EIF4E: variants seen among roughly 807,000 people sequenced by gnomAD.
The protein encoded by EIF4E is eukaryotic translation initiation factor 4E, also known as eIF-4F 25 kDa subunit.
For missense variants in EIF4E, 113 were observed against 265.6 expected (o/e 0.43, Z 3.99); for synonymous variants, 71 against 88.5 (o/e 0.80, Z 1.11).
chr4:98,912,254 A>G (rs960451830), intron 1 of EIF4E, among the ~76,000 whole-genome samples: 57 of 145,844 alleles, frequency 3.9e-4, no homozygotes, highest in African/African-American at 1.2e-3. Flanking sequence ...CTCCGTCTCG[A>G]AAAAAAAAAA....
At chr4:98,888,102 C>G in intron 3 of EIF4E, 150 bp from the exon 4 acceptor site, 1 of 695,276 alleles carries the variant, frequency 1.4e-6, no homozygotes, top group Non-Finnish European at 2.4e-6. Flanking sequence ...CTAAAATGGA[C>G]AAAACAGATC....
chr4:98,889,231 G>A (rs187684571), intron 3 of EIF4E, among the ~76,000 whole-genome samples: 34 of 151,862 alleles, frequency 2.2e-4, no homozygotes, highest in Non-Finnish European at 4.3e-4. Context: ...CACAAATATA[G>A]TTTAGGTGAG....
chr4:98,898,124 A>G (rs182072639), intron 2 of EIF4E, among the ~76,000 whole-genome samples: 2,049 of 149,634 alleles, frequency 0.014, 14 homozygotes, highest in Non-Finnish European at 0.021. Context: ...AAGGGGGGGG[A>G]AAAAAGAAAC....
At chr4:98,916,555 T>C (rs1347940750) in intron 1 of EIF4E, among the ~76,000 whole-genome samples, 1 of 152,068 alleles carries the variant, frequency 6.6e-6, no homozygotes, top group African/African-American at 2.4e-5. Flanking sequence ...AGACTTATAC[T>C]AAGGTATATT....
At position 98,879,819 on chromosome 4, in the gene EIF4E, G is replaced by A. The variant is rs1422028986; in HGVS notation, c.*1209C>T. The A allele has an allele frequency of 6.6e-6, 1 of 152,080 alleles. No individual in the cohort carries two copies. The allele number at this position is 152,080 out of a possible 1,614,324, so 9.4% of individuals were successfully genotyped here. Reference sequence around the variant, plus strand: ...GTACATTATTTACCTAAGACTGAATGACTGTGCCTTACTTTATAAAAAAAC... The same window carrying A: ...GTACATTATTTACCTAAGACTGAATAACTGTGCCTTACTTTATAAAAAAAC... On this transcript the variant is annotated 3_prime_UTR_variant, in exon 7 of 7. Transcript: ENST00000450253.
In EIF4E at chr4:98,885,027, T is replaced by C. The variant is rs1400825529; in HGVS notation, c.434A>G (p.Tyr145Cys). Residue 145 changes from tyrosine (Y) to cysteine (C), a missense_variant, in exon 6 of 7, where the codon TAC (tyrosine) becomes TGC (cysteine). Physicochemically the swap from Tyr to Cys is radical, Grantham distance 194. Coordinates refer to ENST00000450253, the MANE Select transcript of EIF4E (RefSeq NM_001968.5). Reference sequence around the variant, plus strand: ...AACAGCGCCACATACATCATCACTGTAGTCATCAAAAGATTCTCCAATAAG... The same window carrying C: ...AACAGCGCCACATACATCATCACTGCAGTCATCAAAAGATTCTCCAATAAG... ...LCLIGESFDD[Y>C]SDDVCGAVVN... The C allele has an allele frequency of 1.2e-6, 2 of 1,613,414 alleles. No homozygotes were observed. Among genetic ancestry groups the C allele is most frequent in the Non-Finnish European group, 1.7e-6 (2 of 1,179,696 alleles).
intron 1 of EIF4E, among the ~76,000 whole-genome samples, chr4:98,921,711 A>C (rs1292916285): frequency 3.3e-5 from 5 of 152,232 alleles, no homozygotes; most frequent in African/African-American, 1.2e-4. Context: ...CCTTTGCCAG[A>C]CTTATCACCA....
At chr4:98,897,457 G>C (rs1048885326) in intron 2 of EIF4E, among the ~76,000 whole-genome samples, 1 of 152,058 alleles carries the variant, frequency 6.6e-6, no homozygotes, top group Admixed American at 6.5e-5. Flanking sequence ...TGCAATCCCA[G>C]CTACTTGGGA....
At chr4:98,886,723 A>G (rs116477558) in intron 5 of EIF4E, 4,111 of 340,992 alleles carry the variant, frequency 0.012, 133 homozygotes, top group African/African-American at 0.081. Flanking sequence ...CTCTAAAAAT[A>G]TAAGTATTTA....
rs114153833 is a variant in EIF4E, at chr4:98,884,514, G to C, written c.539+408C>G. ...GACCAAAAGTTAAAAGACCAGCCTG[G>C]CCAACGTGGCAAAACCTGGTCTCTA... On this transcript the variant is annotated intron_variant, in intron 6 of 6. Transcript: ENST00000450253. Among the ~76,000 whole-genome samples, 1,362 of 152,210 alleles carry C rather than the reference G, an allele frequency of 8.9e-3. 25 individuals are homozygous for C. The highest frequency in any genetic ancestry group is 0.031 in the African/African-American group (1,291 of 41,530).
intron 1 of EIF4E, among the ~76,000 whole-genome samples, chr4:98,917,802 G>A (rs1420331918): frequency 1.3e-5 from 2 of 152,210 alleles, no homozygotes; most frequent in South Asian, 2.1e-4. Context: ...CTGGCCAGGC[G>A]TGATGGCTCA....
In EIF4E at chr4:98,884,172, G is replaced by A. The variant is rs557151561; in HGVS notation, c.539+750C>T. ...ATATAAATTTTAATGAAAATTATAC[G>A]TAGTAAACACACATGCTTTAAATGC... On this transcript the variant is annotated intron_variant, in intron 6 of 6. Transcript: ENST00000450253. Among the ~76,000 whole-genome samples the A allele has an allele frequency of 1.0e-3, 156 of 152,104 alleles. 1 individual carries two copies. Among genetic ancestry groups the A allele is most frequent in the Middle Eastern group, 3.4e-3 (1 of 294 alleles).
At chr4:98,888,939 T>C (rs1334514331) in intron 3 of EIF4E, among the ~76,000 whole-genome samples, 1 of 151,888 alleles carries the variant, frequency 6.6e-6, no homozygotes, top group Non-Finnish European at 1.5e-5. Context: ...GGCAGGTGGA[T>C]CATGAGGTCA....
chr4:98,914,634 T>C (rs1424388955), intron 1 of EIF4E, among the ~76,000 whole-genome samples: 1 of 152,006 alleles, frequency 6.6e-6, no homozygotes, highest in Non-Finnish European at 1.5e-5. Flanking sequence ...GGGGAGGGTA[T>C]AAACAAGCAG....
At chr4:98,897,560 C>T (rs1019888121) in intron 2 of EIF4E, among the ~76,000 whole-genome samples, 26 of 151,922 alleles carry the variant, frequency 1.7e-4, no homozygotes, top group Admixed American at 1.6e-3. Context: ...AGTGAAACTC[C>T]GTCTTGAGAA....
chr4:98,897,874 G>A (rs1341518617), intron 2 of EIF4E, among the ~76,000 whole-genome samples: 1 of 152,140 alleles, frequency 6.6e-6, no homozygotes, highest in Non-Finnish European at 1.5e-5. Context: ...TACTATATAA[G>A]AAAATGTGTC....
intron 1 of EIF4E, among the ~76,000 whole-genome samples, chr4:98,922,427 G>A (rs551185590): frequency 3.9e-5 from 6 of 152,016 alleles, no homozygotes; most frequent in East Asian, 1.9e-4. Context: ...GTGGTGGCAC[G>A]TGCCTGTAGT....
chr4:98,891,555 G>A (rs1724143020), intron 2 of EIF4E: 2 of 549,320 alleles, frequency 3.6e-6, no homozygotes, highest in Non-Finnish European at 6.4e-6. Context: ...GAATAAGCCA[G>A]CCCCCCTCCA....
chr4:98,885,964 C>T (rs1723899390), intron 5 of EIF4E, among the ~76,000 whole-genome samples: 1 of 152,078 alleles, frequency 6.6e-6, no homozygotes, highest in African/African-American at 2.4e-5. Context: ...GATCTTCCCC[C>T]TCAAAAACAG....
Sources: allele counts gnomAD v4.1 joint callset (sites outside exome capture counted in the v4.1 genomes callset), GRCh38; gene constraint gnomAD v4.1.1; transcripts MANE v1.5; gene names NCBI Gene and HGNC (gene_info 2026-07-23, HGNC 2026-07-21).